Variants in CLYBL observed in about 807,000 individuals in gnomAD.
The protein encoded by CLYBL is citramalyl-CoA lyase, mitochondrial.
A neutral mutation model predicts 38.9 loss-of-function variants in CLYBL; 31 were observed. The ratio of observed to expected loss-of-function variants is 0.80; its 90% confidence interval spans 0.60 to 1.08. The LOEUF is 1.08. Ranked by LOEUF, CLYBL falls within the 50% of genes least tolerant of loss-of-function variation. CLYBL has a pLI of 0.00. For synonymous variants in CLYBL, 171 were observed against 158.6 expected (o/e 1.08, Z -0.59); for missense variants, 434 against 411.6 (o/e 1.05, Z -0.47).
chr13:99,791,230 C>G (rs1252829534), intron 2 of CLYBL, among the ~76,000 whole-genome samples: 1 of 152,144 alleles, frequency 6.6e-6, no homozygotes, highest in African/African-American at 2.4e-5. Context: ...TCATGAGCCT[C>G]TGTTTCTTTA....
intron 1 of CLYBL, among the ~76,000 whole-genome samples, chr13:99,671,917 C>T (rs2047571416): frequency 6.6e-6 from 1 of 152,190 alleles, no homozygotes; most frequent in South Asian, 2.1e-4. Context: ...GTGCACCTCC[C>T]TCCCAAGCAC....
intron 1 of CLYBL, among the ~76,000 whole-genome samples, chr13:99,738,551 A>ACAC (rs1408726190): frequency 6.6e-6 from 1 of 152,192 alleles, no homozygotes; most frequent in Non-Finnish European, 1.5e-5. Context: ...GTCAGTCAAC[A>ACAC]CACCTGAGTG....
At chr13:99,645,659 G>A (rs762571675) in intron 1 of CLYBL, among the ~76,000 whole-genome samples, 11 of 151,926 alleles carry the variant, frequency 7.2e-5, no homozygotes, top group Non-Finnish European at 1.6e-4. Flanking sequence ...CTTTTGCCCA[G>A]TTTTTAAATT....
At chr13:99,716,723 C>G (rs891276016) in intron 1 of CLYBL, among the ~76,000 whole-genome samples, 2 of 149,288 alleles carry the variant, frequency 1.3e-5, no homozygotes, top group African/African-American at 4.9e-5. Context: ...ATGCTTTTTT[C>G]AGAAATGAAT....
intron 2 of CLYBL, among the ~76,000 whole-genome samples, chr13:99,840,252 T>TA (rs35149509): frequency 2.9e-4 from 43 of 145,842 alleles, no homozygotes; most frequent in African/African-American, 7.1e-4. Context: ...CTCCTTTCCT[T>TA]AAAAAAAAAA....
intron 1 of CLYBL, among the ~76,000 whole-genome samples, chr13:99,677,099 T>A (rs1713529621): frequency 6.6e-6 from 1 of 152,192 alleles, no homozygotes; most frequent in Non-Finnish European, 1.5e-5. Flanking sequence ...CTCCTGTGTA[T>A]ACGGTCATTT....
chr13:99,841,992 A>AT (rs2051094817), intron 2 of CLYBL, among the ~76,000 whole-genome samples: 1 of 150,388 alleles, frequency 6.6e-6, no homozygotes, highest in African/African-American at 2.4e-5. Context: ...TAATTTTTAT[A>AT]TTTTCAATAG....
chr13:99,707,697 C>G (rs2139479742), intron 1 of CLYBL, among the ~76,000 whole-genome samples: 1 of 152,302 alleles, frequency 6.6e-6, no homozygotes, highest in African/African-American at 2.4e-5. Flanking sequence ...GTTGTTGCTG[C>G]AGTGACAGTT....
chr13:99,728,310 A>C (rs995146413), intron 1 of CLYBL, among the ~76,000 whole-genome samples: 1 of 133,052 alleles, frequency 7.5e-6, no homozygotes, highest in African/African-American at 2.9e-5. Context: ...ATGGAGTCTC[A>C]CTCTTTTGCC....
chr13:99,772,894 C>CG lies in CLYBL; in HGVS notation c.135dup (p.Arg46GlufsTer10), dbSNP rs1312317886. The stretch of plus-strand genomic sequence containing the variant: ...CTCATCCCATCACAAGTACATCCCC[C>CG]GGAGGGCAGTGCTTTATGTACCTGG... On this transcript the variant is annotated frameshift_variant, in exon 2 of 9. Coordinates refer to ENST00000339105, the MANE Select transcript of CLYBL (RefSeq NM_206808.5). LOFTEE classifies it high-confidence loss of function. The CG allele has an allele frequency of 6.2e-7, 1 of 1,613,300 alleles. No individual in the cohort carries two copies. The highest frequency in any genetic ancestry group is 8.5e-7 in the Non-Finnish European group (1 of 1,179,780).
intron 8 of CLYBL, among the ~76,000 whole-genome samples, chr13:99,904,436 T>C (rs913573979): frequency 2.0e-5 from 3 of 152,208 alleles, no homozygotes; most frequent in Non-Finnish European, 4.4e-5. Context: ...TCTCATGAAT[T>C]GATTTGATAA....
At chr13:99,871,405 G>A (rs1055101861) in intron 7 of CLYBL, among the ~76,000 whole-genome samples, 48 of 152,326 alleles carry the variant, frequency 3.2e-4, no homozygotes, top group Admixed American at 2.6e-3. Context: ...AGAACAAGTT[G>A]TAATGAAATA....
intron 2 of CLYBL, among the ~76,000 whole-genome samples, chr13:99,809,622 A>C (rs1454347849): frequency 6.6e-6 from 1 of 152,256 alleles, no homozygotes; most frequent in Non-Finnish European, 1.5e-5. Context: ...GGATGGCTGC[A>C]GGCCCCTTGG....
At chr13:99,892,260 C>G (rs140769192) in intron 8 of CLYBL, 183 bp from the exon 9 acceptor site, 1 of 152,214 alleles carries the variant, frequency 6.6e-6, no homozygotes, top group Admixed American at 6.5e-5. Context: ...TGCACCCGAG[C>G]TGGTGCATGT....
chr13:99,862,940 G>GTGAT, intron 3 of CLYBL, 51 bp from the exon 4 acceptor site: 6 of 1,052,178 alleles, frequency 5.7e-6, no homozygotes, highest in Non-Finnish European at 8.7e-6. Flanking sequence ...CTACATTTCC[G>GTGAT]TGATTGTACA....
At chr13:99,649,883 A>T (rs1308968383) in intron 1 of CLYBL, among the ~76,000 whole-genome samples, 1 of 150,978 alleles carries the variant, frequency 6.6e-6, no homozygotes, top group Non-Finnish European at 1.5e-5. Flanking sequence ...AAAAAAAAAA[A>T]GTTATATGAT....
intron 2 of CLYBL, among the ~76,000 whole-genome samples, chr13:99,799,521 G>T (rs2050089608): frequency 6.6e-6 from 1 of 152,146 alleles, no homozygotes; most frequent in African/African-American, 2.4e-5. Flanking sequence ...ATTTTCATTT[G>T]CACGGGTATC....
chr13:99,830,808 G>A (rs903345583), intron 2 of CLYBL, among the ~76,000 whole-genome samples: 3 of 152,188 alleles, frequency 2.0e-5, no homozygotes, highest in African/African-American at 4.8e-5. Context: ...GCTTCCAGTC[G>A]TGGATTGCAT....
At chr13:99,755,664 T>C (rs2049049695) in intron 1 of CLYBL, among the ~76,000 whole-genome samples, 1 of 152,214 alleles carries the variant, frequency 6.6e-6, no homozygotes, top group Non-Finnish European at 1.5e-5. Flanking sequence ...CTGAGCAATC[T>C]ATATTGCTGT....
Sources: gnomAD v4.1 joint callset for allele counts (sites outside exome capture counted in the v4.1 genomes callset) on GRCh38, gnomAD v4.1.1 for gene constraint, MANE v1.5 for transcripts, NCBI Gene and HGNC (gene_info 2026-07-23, HGNC 2026-07-21) for gene names.